Variants in KRT73 observed in about 807,000 individuals in gnomAD.
The protein encoded by KRT73 is keratin 73.
In KRT73, 44 loss-of-function variants were observed where a neutral mutation model predicts 47.2. That is an observed-to-expected ratio of 0.93 (90% CI 0.73 to 1.20). KRT73 has a LOEUF of 1.20. Among genes scored for constraint, KRT73 ranks in the 50% most tolerant of loss-of-function variants. The pLI, the probability that KRT73 is intolerant of heterozygous loss-of-function variation, is 0.00. For synonymous variants in KRT73, 285 were observed against 291.3 expected (o/e 0.98, Z 0.22); for missense variants, 713 against 704.5 (o/e 1.01, Z -0.14).
chr12:52,627,596 C>T, the KRT73 span, among the ~76,000 whole-genome samples: 266 of 152,238 alleles, frequency 1.7e-3, 3 homozygotes, highest in African/African-American at 6.0e-3. Flanking sequence ...CCTTGTGACC[C>T]AAGCCCCCAG....
rs1221560125 is a variant in KRT73 at position 52,616,392 on chromosome 12, G to A, written c.448-12C>T. The A allele has an allele frequency of 1.2e-6, 2 of 1,614,088 alleles. No individual in the cohort carries two copies. Among genetic ancestry groups the A allele is most frequent in the East Asian group, 4.5e-5 (2 of 44,876 alleles). ...TCCAGGAACCGCACCTGGAACCCAT[G>A]CCACACATACTTAAGCAATGTGGAG... On this transcript the variant is annotated splice_polypyrimidine_tract_variant and intron_variant, in intron 1 of 8. Transcript: ENST00000305748.
chr12:52,609,173 G>T, intron 8 of KRT73, 74 bp downstream of exon 8: 1 of 1,329,424 alleles, frequency 7.5e-7, no homozygotes, highest in South Asian at 1.2e-5. Context: ...TCAGGGGGCT[G>T]GGCGGTGGAC....
At chr12:52,613,645 G>A (rs1940748493) in intron 5 of KRT73, 43 bp downstream of exon 5, 33 of 1,608,806 alleles carry the variant, frequency 2.1e-5, no homozygotes, top group Non-Finnish European at 2.7e-5. Flanking sequence ...GTCTGGAGCA[G>A]AGGGCCCTGC....
upstream of KRT73, among the ~76,000 whole-genome samples, chr12:52,622,392 C>A (rs1439317394): frequency 6.6e-6 from 1 of 152,204 alleles, no homozygotes. Flanking sequence ...GAATAAACAT[C>A]TGGGATGTGA....
Position 52,608,233 on chromosome 12 carries a change from A to C in KRT73, c.1586T>G (p.Leu529Ter). The change falls in exon 9 of 9, where the codon TTA becomes TGA. Residue 529 changes from leucine to a stop codon, truncating the protein, a stop_gained. Transcript: ENST00000305748. LOFTEE classifies it high-confidence loss of function. ...SEFRDSQGKT[L>*]ALSSPTKKTM... Reference sequence around the variant, plus strand: ...TTTTTTGGTGGGTGAGCTTAGAGCTAAGGTCTTTCCCTGGGAGTCCCTGAA... The same window carrying C: ...TTTTTTGGTGGGTGAGCTTAGAGCTCAGGTCTTTCCCTGGGAGTCCCTGAA... The C allele has an allele frequency of 1.2e-6, 2 of 1,613,766 alleles. No individual in the cohort carries two copies. The highest frequency in any genetic ancestry group is 1.7e-6 in the Non-Finnish European group (2 of 1,179,902).
the KRT73 span, among the ~76,000 whole-genome samples, chr12:52,624,143 G>A: frequency 2.8e-4 from 42 of 152,096 alleles, 1 homozygote; most frequent in East Asian, 7.5e-3. Flanking sequence ...AAAAAATTAT[G>A]AGACAGAGAG....
chr12:52,616,288 C>T lies in KRT73; in HGVS notation c.540G>A (p.Glu180=), dbSNP rs143427676. 1 of 1,614,222 alleles carries T rather than the reference C, an allele frequency of 6.2e-7. No homozygotes were observed. The highest frequency in any genetic ancestry group is 8.5e-7 in the Non-Finnish European group (1 of 1,180,032). Residue 180 remains glutamate (E), a synonymous_variant, in exon 2 of 9, where the codon GAG becomes GAA. Transcript: ENST00000305748. ...LDLNNCKNNL[E]PILEGYISNL... ...TGCTGATGTAGCCCTCAAGGATGGG[C>T]TCCAGGTTATTCTTGCAGTTGTTCA...
the KRT73 span, among the ~76,000 whole-genome samples, chr12:52,625,625 A>G: frequency 6.6e-6 from 1 of 152,222 alleles, no homozygotes; most frequent in Non-Finnish European, 1.5e-5. Context: ...CAGCAATTAC[A>G]AACCTGATCA....
the KRT73 span, among the ~76,000 whole-genome samples, chr12:52,628,276 C>T: frequency 6.6e-6 from 1 of 152,206 alleles, no homozygotes; most frequent in African/African-American, 2.4e-5. Flanking sequence ...AGGGGAGACA[C>T]CTGAACCCAG....
Position 52,618,199 on chromosome 12 carries a change from A to G in KRT73, c.326T>C (p.Ile109Thr). 2 of 1,614,066 alleles carry G rather than the reference A, an allele frequency of 1.2e-6. No homozygotes were observed. Among genetic ancestry groups the G allele is most frequent in the Non-Finnish European group, 1.7e-6 (2 of 1,180,002 alleles). The change falls in exon 1 of 9, where the codon ATC (isoleucine) becomes ACC (threonine). Residue 109 changes from isoleucine to threonine, a missense_variant. Ile to Thr is a moderately conservative substitution (Grantham distance 89, BLOSUM62 -1). Transcript: ENST00000305748. The part of the protein sequence containing the change: ...CPPGGIHQVT[I>T]NKSLLAPLNV... ...CAGGGGTGCCAGGAGGCTCTTGTTG[A>G]TGGTGACCTGATGGATACCCCCGGG...
chr12:52,621,679 A>G (rs1287333584), upstream of KRT73, among the ~76,000 whole-genome samples: 1 of 152,154 alleles, frequency 6.6e-6, no homozygotes, highest in African/African-American at 2.4e-5. Context: ...AAGATGGAAA[A>G]CTTACAGAGA....
At chr12:52,621,573 C>T (rs1057178521), upstream of KRT73, among the ~76,000 whole-genome samples, 1 of 152,052 alleles carries the variant, frequency 6.6e-6, no homozygotes, top group South Asian at 2.1e-4. Context: ...AGACTTGGGG[C>T]AGAAGAAGGC....
chr12:52,618,415 T>C lies in KRT73; in HGVS notation c.110A>G (p.Lys37Arg). The C allele has an allele frequency of 6.2e-7, 1 of 1,614,128 alleles. No homozygotes were observed. The change falls in exon 1 of 9, where the codon AAA becomes AGA. Residue 37 changes from lysine to arginine, a missense_variant. Physicochemically the swap from Lys to Arg is conservative, Grantham distance 26. Transcript: ENST00000305748. ...GSSSSYRAGGKGLSGGFSSRS... is the reference protein window; with the variant it reads ...GSSSSYRAGGRGLSGGFSSRS... ...ACTGCTGAAGCCTCCACTGAGCCCT[T>C]TGCCCCCTGCTCGGTAGGAGGATGA...
At chr12:52,610,322 C>T in intron 7 of KRT73, 2 of 380,170 alleles carry the variant, frequency 5.3e-6, no homozygotes, top group Non-Finnish European at 1.0e-5. Flanking sequence ...GGTGATCCAC[C>T]CGCCTCAGCC....
At chr12:52,629,572 C>A in the KRT73 span, among the ~76,000 whole-genome samples, 1 of 152,198 alleles carries the variant, frequency 6.6e-6, no homozygotes, top group Non-Finnish European at 1.5e-5. Context: ...AGCTGCCTGG[C>A]CAAAGGCTCC....
At chr12:52,612,899 A>C (rs537561210) in intron 5 of KRT73, 1 of 152,350 alleles carries the variant, frequency 6.6e-6, no homozygotes, top group Admixed American at 6.5e-5. Flanking sequence ...ATAAGCAATA[A>C]TAATACTGTT....
upstream of KRT73, among the ~76,000 whole-genome samples, chr12:52,619,247 G>A (rs1264604193): frequency 6.6e-6 from 1 of 152,164 alleles, no homozygotes; most frequent in Non-Finnish European, 1.5e-5. Context: ...TTGAAATTAT[G>A]GTCATTGCAC....
chr12:52,630,155 G>A, the KRT73 span, among the ~76,000 whole-genome samples: 2 of 152,216 alleles, frequency 1.3e-5, no homozygotes, highest in African/African-American at 4.8e-5. Flanking sequence ...CGTGCACCCT[G>A]GTCAAAGGCC....
At chr12:52,610,370 C>A in intron 7 of KRT73, 1 of 494,518 alleles carries the variant, frequency 2.0e-6, no homozygotes, top group Non-Finnish European at 3.7e-6. Context: ...AACCACTGCG[C>A]CTGGCCATCT....
Sources: gnomAD v4.1 joint callset for allele counts (sites outside exome capture counted in the v4.1 genomes callset) on GRCh38, gnomAD v4.1.1 for gene constraint, MANE v1.5 for transcripts, NCBI Gene and HGNC (gene_info 2026-07-23, HGNC 2026-07-21) for gene names.